LRIG1: variants seen among roughly 807,000 people sequenced by gnomAD.
LRIG1 encodes the protein leucine-rich repeats and immunoglobulin-like domains protein 1.
A neutral mutation model predicts 99.2 loss-of-function variants in LRIG1; 48 were observed. The observed-to-expected ratio is 0.48, with a 90% CI of 0.38 to 0.62. The LOEUF is 0.62. Among genes scored for constraint, LRIG1 ranks in the 20% least tolerant of loss-of-function variants. The pLI, the probability that LRIG1 is intolerant of heterozygous loss-of-function variation, is 0.00. For missense variants in LRIG1, 1,646 were observed against 1,434.4 expected (o/e 1.15, Z -2.38); for synonymous variants, 772 against 596.1 (o/e 1.29, Z -4.30).
chr3:66,493,467 CAT>C (rs1701150803), intron 1 of LRIG1, among the ~76,000 whole-genome samples: 1 of 152,202 alleles, frequency 6.6e-6, no homozygotes, highest in South Asian at 2.1e-4. Context: ...TCCAAGGGTA[CAT>C]GAGGTTCACT....
At chr3:66,425,974 T>C (rs1189256469) in intron 3 of LRIG1, among the ~76,000 whole-genome samples, 3 of 152,220 alleles carry the variant, frequency 2.0e-5, no homozygotes, top group Admixed American at 2.0e-4. Flanking sequence ...TAAAACTTTT[T>C]CTCATAAGTG....
rs956239923 is a variant in LRIG1, at chr3:66,410,261, T to C, written c.803A>G (p.Tyr268Cys). The C allele has an allele frequency of 1.9e-6, 3 of 1,608,418 alleles. No individual in the cohort carries two copies. Among genetic ancestry groups the C allele is most frequent in the African/African-American group, 2.7e-5 (2 of 74,842 alleles). The change falls in exon 7 of 19, where the codon TAC (tyrosine) becomes TGC (cysteine). Residue 268 changes from tyrosine (Y) to cysteine (C), a missense_variant. Coordinates refer to ENST00000273261, the MANE Select transcript of LRIG1 (RefSeq NM_015541.3). Reference sequence around the variant, plus strand: ...GCTGTTCACTTCTACCAGGCTGTTGTACTCCAGGTGCCTGCAATGACAGCC... The same window carrying C: ...GCTGTTCACTTCTACCAGGCTGTTGCACTCCAGGTGCCTGCAATGACAGCC... ...LSKMHVLHLE[Y>C]NSLVEVNSGS...
In LRIG1 at chr3:66,462,486, G is replaced by C. The variant is rs775707461; in HGVS notation, c.242C>G (p.Ser81Cys). 9.9e-6 allele frequency: 16 copies of C among 1,612,438 alleles called. No homozygotes were observed. The highest frequency in any genetic ancestry group is 1.3e-5 in the Non-Finnish European group (15 of 1,179,282). The change falls in exon 2 of 19, where the codon TCT becomes TGT. Residue 81 changes from serine to cysteine, a missense_variant. Coordinates refer to ENST00000273261, the MANE Select transcript of LRIG1 (RefSeq NM_015541.3). ...RSLNLSYNKL[S>C]EIDPAGFEDL... Reference sequence around the variant, plus strand: ...CTCAAAACCAGCAGGGTCAATCTCAGAGAGTTTGTTGTAACTCAGGTTTCT... The same window carrying C: ...CTCAAAACCAGCAGGGTCAATCTCACAGAGTTTGTTGTAACTCAGGTTTCT...
At chr3:66,482,903 A>G (rs1202716173) in intron 1 of LRIG1, among the ~76,000 whole-genome samples, 6 of 152,226 alleles carry the variant, frequency 3.9e-5, no homozygotes, top group African/African-American at 1.2e-4. Context: ...AAATTTATAC[A>G]CTATCCAGTG....
At chr3:66,488,870 G>A (rs1455782957) in intron 1 of LRIG1, among the ~76,000 whole-genome samples, 1 of 152,224 alleles carries the variant, frequency 6.6e-6, no homozygotes, top group Non-Finnish European at 1.5e-5. Context: ...CTTATGGCAA[G>A]TATTCACTGA....
At chr3:66,485,456 T>C (rs17044704) in intron 1 of LRIG1, among the ~76,000 whole-genome samples, 8,396 of 152,256 alleles carry the variant, frequency 0.055, 752 homozygotes, top group African/African-American at 0.19. Context: ...CAAGGCTGTC[T>C]GTGAGCTGGT....
At chr3:66,464,432 C>T (rs983696934) in intron 1 of LRIG1, among the ~76,000 whole-genome samples, 1 of 151,388 alleles carries the variant, frequency 6.6e-6, no homozygotes, top group African/African-American at 2.4e-5. Context: ...AGGGCCAGTG[C>T]AGACCCGTCT....
intron 3 of LRIG1, among the ~76,000 whole-genome samples, chr3:66,430,345 T>G (rs575739556): frequency 6.6e-6 from 1 of 152,330 alleles, no homozygotes; most frequent in East Asian, 1.9e-4. Flanking sequence ...GATTTTCGAT[T>G]TTCAAATAGC....
At chr3:66,404,966 C>T (rs914021891) in intron 9 of LRIG1, among the ~76,000 whole-genome samples, 21 of 152,326 alleles carry the variant, frequency 1.4e-4, no homozygotes, top group Middle Eastern at 6.8e-3. Context: ...CGCCAAACGC[C>T]GGGTTGCCAG....
At chr3:66,400,686 G>C (rs1702018078) in intron 9 of LRIG1, among the ~76,000 whole-genome samples, 1 of 152,140 alleles carries the variant, frequency 6.6e-6, no homozygotes, top group Non-Finnish European at 1.5e-5. Flanking sequence ...ATTAAGACTG[G>C]GACCCATAAG....
intron 5 of LRIG1, among the ~76,000 whole-genome samples, chr3:66,413,552 G>A (rs1702534082): frequency 6.6e-6 from 1 of 152,184 alleles, no homozygotes; most frequent in South Asian, 2.1e-4. Context: ...AGGGGGAGAT[G>A]GGGTAGAGAC....
chr3:66,428,807 A>G (rs910184663), intron 3 of LRIG1, among the ~76,000 whole-genome samples: 2 of 152,284 alleles, frequency 1.3e-5, no homozygotes, highest in African/African-American at 4.8e-5. Flanking sequence ...GAAACAGCCC[A>G]GCCTGGGTTA....
intron 1 of LRIG1, among the ~76,000 whole-genome samples, chr3:66,477,966 C>A (rs1700761451): frequency 1.3e-5 from 2 of 152,286 alleles, no homozygotes; most frequent in South Asian, 2.1e-4. Flanking sequence ...AGCTGCAAAG[C>A]CATGGACTTG....
chr3:66,410,115 C>G lies in LRIG1; in HGVS notation c.935+14G>C, dbSNP rs1166553721. ...CTAAAAACACTGCCACAGCCCAGAG[C>G]CGAGGACACTTACAACTCATGCAGC... On this transcript the variant is annotated intron_variant, in intron 7 of 18. Coordinates refer to ENST00000273261, the MANE Select transcript of LRIG1 (RefSeq NM_015541.3). The G allele has an allele frequency of 1.2e-6, 2 of 1,604,458 alleles. No individual in the cohort carries two copies. Among genetic ancestry groups the G allele is most frequent in the East Asian group, 2.2e-5 (1 of 44,842 alleles).
rs17044692 is a variant in LRIG1 at position 66,478,320 on chromosome 3, T to C, written c.219-15811A>G. 7.8e-3 allele frequency among the ~76,000 whole-genome samples: 1,185 copies of C among 152,330 alleles called. 4 individuals carry two copies. Among genetic ancestry groups the C allele is most frequent in the African/African-American group, 0.015 (644 of 41,572 alleles). ...AAATAACAGTTAACTTAAGGGCAGA[T>C]GTGTAGGACAGCCAACCCATGGTTA... On this transcript the variant is annotated intron_variant, in intron 1 of 18. Transcript: ENST00000273261.
At chr3:66,465,855 G>C (rs1340550908) in intron 1 of LRIG1, among the ~76,000 whole-genome samples, 2 of 152,080 alleles carry the variant, frequency 1.3e-5, no homozygotes, top group Non-Finnish European at 2.9e-5. Context: ...CTGAACACTA[G>C]CTCCTCATTC....
At chr3:66,492,730 A>T (rs979805407) in intron 1 of LRIG1, among the ~76,000 whole-genome samples, 3 of 152,226 alleles carry the variant, frequency 2.0e-5, no homozygotes, top group African/African-American at 7.2e-5. Context: ...GTTCATAAGG[A>T]AACCAAAATG....
At chr3:66,423,850 G>C (rs1375103526) in intron 3 of LRIG1, among the ~76,000 whole-genome samples, 1 of 152,214 alleles carries the variant, frequency 6.6e-6, no homozygotes, top group Non-Finnish European at 1.5e-5. Flanking sequence ...CCCATGGGCT[G>C]ATATGACCTG....
At chr3:66,385,060 A>ATTCT (rs1701303886) in intron 13 of LRIG1, among the ~76,000 whole-genome samples, 1 of 152,208 alleles carries the variant, frequency 6.6e-6, no homozygotes, top group Non-Finnish European at 1.5e-5. Flanking sequence ...TCTCAAGCCA[A>ATTCT]TTCTTTTTAA....
Sources: gnomAD v4.1 joint callset for allele counts (sites outside exome capture counted in the v4.1 genomes callset) on GRCh38, gnomAD v4.1.1 for gene constraint, MANE v1.5 for transcripts, NCBI Gene and HGNC (gene_info 2026-07-23, HGNC 2026-07-21) for gene names.